The following RSU1 variants were observed in gnomAD, a reference collection of about 807,000 sequenced individuals.
The protein encoded by RSU1 is rsu-1.
In RSU1, 26 loss-of-function variants were observed where a neutral mutation model predicts 31.1. The ratio of observed to expected loss-of-function variants is 0.84; its 90% CI spans 0.61 to 1.16. The LOEUF (loss-of-function observed/expected upper bound fraction) is 1.16, where lower values mean the gene tolerates loss of function less well. Ranked by LOEUF, RSU1 falls within the 50% of genes most tolerant of loss-of-function variation. RSU1 has a pLI of 0.00. For synonymous variants in RSU1, 164 were observed against 136.3 expected (o/e 1.20, Z -1.41); for missense variants, 320 against 339.1 (o/e 0.94, Z 0.44).
At chr10:16,638,887 A>G (rs980765501) in intron 8 of RSU1, among the ~76,000 whole-genome samples, 2 of 152,242 alleles carry the variant, frequency 1.3e-5, no homozygotes, top group Admixed American at 1.3e-4. Context: ...TGCTTATTAA[A>G]TATGTGTGAA....
At chr10:16,708,206 C>T (rs567658862) in intron 7 of RSU1, among the ~76,000 whole-genome samples, 1 of 152,208 alleles carries the variant, frequency 6.6e-6, no homozygotes, top group Non-Finnish European at 1.5e-5. Flanking sequence ...TTACGGATAA[C>T]ATAGTCAATT....
chr10:16,769,772 T>A (rs1347478080), intron 3 of RSU1, among the ~76,000 whole-genome samples: 1 of 152,224 alleles, frequency 6.6e-6, no homozygotes, highest in Non-Finnish European at 1.5e-5. Flanking sequence ...ATGAGTATAA[T>A]AATCAATCTG....
intron 2 of RSU1, among the ~76,000 whole-genome samples, chr10:16,808,848 A>C (rs1838338020): frequency 6.6e-6 from 1 of 152,176 alleles, no homozygotes; most frequent in African/African-American, 2.4e-5. Context: ...CAATCTGACT[A>C]TTGTCCTCAT....
chr10:16,700,806 G>A (rs913731259), intron 7 of RSU1, among the ~76,000 whole-genome samples: 1 of 152,180 alleles, frequency 6.6e-6, no homozygotes, highest in Non-Finnish European at 1.5e-5. Flanking sequence ...GCAGAATAAT[G>A]TGCTATAGCC....
At chr10:16,693,044 C>A (rs1300313487) in intron 8 of RSU1, among the ~76,000 whole-genome samples, 2 of 152,248 alleles carry the variant, frequency 1.3e-5, no homozygotes, top group South Asian at 2.1e-4. Context: ...CTCACTGCAA[C>A]CTCTGCCTCC....
At chr10:16,743,037 A>G (rs757762801) in intron 7 of RSU1, among the ~76,000 whole-genome samples, 32 of 152,216 alleles carry the variant, frequency 2.1e-4, no homozygotes, top group Non-Finnish European at 4.3e-4. Flanking sequence ...GAATCAAAGG[A>G]TATGGTATGA....
At chr10:16,649,004 T>G (rs933491450) in intron 8 of RSU1, among the ~76,000 whole-genome samples, 4 of 152,150 alleles carry the variant, frequency 2.6e-5, no homozygotes, top group African/African-American at 7.2e-5. Context: ...ATAAAATGAT[T>G]CCGTTCTGAG....
intron 7 of RSU1, among the ~76,000 whole-genome samples, chr10:16,750,129 T>C (rs1377442044): frequency 1.3e-5 from 2 of 152,216 alleles, no homozygotes; most frequent in African/African-American, 4.8e-5. Context: ...ATTCCAGGCC[T>C]TAATAGATAC....
chr10:16,816,523 TA>T lies in RSU1; in HGVS notation c.109+449del, dbSNP rs1838535648. 2.0e-5 allele frequency among the ~76,000 whole-genome samples: 3 copies of T among 152,230 alleles called. 1 individual carries two copies. The South Asian group carries it at 6.2e-4, about 32-fold the overall frequency. ...GCCTGAACCAAGTTCGGAGAATAAA[TA>T]CTCAGAAGAATGTAAAGATTCAAGA... On this transcript the variant is annotated intron_variant, in intron 2 of 8. Transcript: ENST00000345264.
chr10:16,782,711 T>C (rs779230295), intron 2 of RSU1, among the ~76,000 whole-genome samples: 2 of 152,166 alleles, frequency 1.3e-5, no homozygotes, highest in Non-Finnish European at 2.9e-5. Flanking sequence ...ATTATCATGG[T>C]GGTTTAATCT....
intron 8 of RSU1, among the ~76,000 whole-genome samples, chr10:16,645,681 C>G (rs1834524552): frequency 6.6e-6 from 1 of 151,248 alleles, no homozygotes; most frequent in South Asian, 2.1e-4. Flanking sequence ...GTGGCGCACA[C>G]CTGTAATCCC....
chr10:16,726,320 T>G (rs1449295468), intron 7 of RSU1, among the ~76,000 whole-genome samples: 1 of 148,148 alleles, frequency 6.8e-6, no homozygotes, highest in Admixed American at 6.7e-5. Context: ...CAGGTTAGAG[T>G]GCAGTGGCGC....
At chr10:16,770,360 C>G (rs1173192049) in intron 3 of RSU1, among the ~76,000 whole-genome samples, 1 of 152,104 alleles carries the variant, frequency 6.6e-6, no homozygotes, top group Non-Finnish European at 1.5e-5. Flanking sequence ...TCCTCTTCAG[C>G]TCCAGAAGGG....
intron 8 of RSU1, among the ~76,000 whole-genome samples, chr10:16,605,546 T>G (rs1833789057): frequency 6.6e-6 from 1 of 152,202 alleles, no homozygotes; most frequent in African/African-American, 2.4e-5. Context: ...CAGTGCCTGG[T>G]GCCTCATACA....
intron 8 of RSU1, among the ~76,000 whole-genome samples, chr10:16,594,147 T>G (rs1320780356): frequency 6.6e-6 from 1 of 152,174 alleles, no homozygotes; most frequent in Non-Finnish European, 1.5e-5. Flanking sequence ...TAAACCAAAT[T>G]AAAAGCCACC....
At chr10:16,651,364 G>A (rs1185244912) in intron 8 of RSU1, among the ~76,000 whole-genome samples, 2 of 152,144 alleles carry the variant, frequency 1.3e-5, no homozygotes, top group Non-Finnish European at 2.9e-5. Context: ...AATGTACTTT[G>A]TTTGAAAGAA....
At chr10:16,710,266 T>C (rs1835989584) in intron 7 of RSU1, among the ~76,000 whole-genome samples, 1 of 152,234 alleles carries the variant, frequency 6.6e-6, no homozygotes, top group African/African-American at 2.4e-5. Context: ...GAAATGATCA[T>C]ATTGTTTTTG....
At chr10:16,625,249 ACTCT>A (rs1834134939) in intron 8 of RSU1, among the ~76,000 whole-genome samples, 1 of 151,404 alleles carries the variant, frequency 6.6e-6, no homozygotes, top group Non-Finnish European at 1.5e-5. Flanking sequence ...TGGGAAGCAG[ACTCT>A]CTCCCAGTCA....
chr10:16,728,045 T>C (rs1262757684), intron 7 of RSU1, among the ~76,000 whole-genome samples: 2 of 152,238 alleles, frequency 1.3e-5, no homozygotes, highest in Non-Finnish European at 2.9e-5. Context: ...ACAAATTGTA[T>C]CTTTCAAAAC....
Sources: allele counts gnomAD v4.1 joint callset (sites outside exome capture counted in the v4.1 genomes callset), GRCh38; gene constraint gnomAD v4.1.1; transcripts MANE v1.5; gene names NCBI Gene and HGNC (gene_info 2026-07-23, HGNC 2026-07-21).